Variants in DUOX2 observed in about 807,000 individuals in gnomAD.
DUOX2 encodes dual oxidase 2, also known as NADH/NADPH thyroid oxidase p138-tox.
DUOX2 carries 185 observed loss-of-function variants against 183.3 expected under a neutral mutation model. The observed-to-expected ratio is 1.01, with a 90% CI of 0.90 to 1.14. DUOX2 has a LOEUF of 1.14. DUOX2 is among the 50% of genes most tolerant of loss of function. DUOX2 has a pLI of 0.00. For missense variants in DUOX2, 1,999 were observed against 2,022.9 expected (o/e 0.99, Z 0.23); for synonymous variants, 788 against 812.4 (o/e 0.97, Z 0.51).
Position 45,106,920 on chromosome 15 carries a change from C to A in DUOX2, c.1743G>T (p.Gln581His), listed in dbSNP as rs1282973122. The A allele has an allele frequency of 6.3e-7, 1 of 1,581,718 alleles. No individual in the cohort carries two copies. Among genetic ancestry groups the A allele is most frequent in the Admixed American group, 1.9e-5 (1 of 53,080 alleles). ...PKQLTTDGLP[Q>H]CAPLTVLDFF... ...AGTCAAGCACAGTCAGGGGTGCACA[C>A]TGGGGCAGGCCGTCAGTTGTGAGCT... is the stretch of plus-strand genomic sequence containing the variant. Residue 581 changes from glutamine to histidine, a missense_variant, in exon 15 of 34, where the codon CAG (glutamine) becomes CAT (histidine). Transcript: ENST00000389039.
At position 45,098,122 on chromosome 15, in the gene DUOX2, A is replaced by C. The variant is rs553193882; in HGVS notation, c.3516-64T>G. On this transcript the variant is annotated intron_variant, in intron 26 of 33. Coordinates refer to ENST00000389039, the MANE Select transcript of DUOX2 (RefSeq NM_001363711.2). Reference sequence around the variant, plus strand: ...GGAGGGGCTCCAGCACTGTCACAACACAGCATGACTCCTTTCCTGCTGGCC... The same window carrying C: ...GGAGGGGCTCCAGCACTGTCACAACCCAGCATGACTCCTTTCCTGCTGGCC... 1.0e-4 allele frequency: 152 copies of C among 1,470,624 alleles called. 1 individual carries two copies. The African/African-American group carries it at 2.0e-3, about 19-fold the overall frequency. The allele number at this position is 1,470,624 out of a possible 1,614,324, so 91.1% of individuals were successfully genotyped here. A position where few individuals can be genotyped will look rare whatever the true frequency, so the allele number is the denominator to read the frequency against.
rs1894396104 is a variant in DUOX2, at chr15:45,111,393, C to T, written c.706G>A (p.Gly236Arg). ...GCCCCTGTGGCCTCACCGTACAGCC[C>T]CCGGGGCCCGTTCTGCCCGGTGGCG... The part of the protein sequence containing the change: ...DPATGQNGPR[G>R]LYAFGAERGN... Residue 236 changes from glycine to arginine, a missense_variant, in exon 6 of 34, where the codon GGG becomes AGG. Gly to Arg is a moderately radical substitution (Grantham distance 125). Coordinates refer to ENST00000389039, the MANE Select transcript of DUOX2 (RefSeq NM_001363711.2). The T allele has an allele frequency of 1.4e-6, 2 of 1,453,750 alleles. No individual in the cohort carries two copies. The highest frequency in any genetic ancestry group is 2.5e-4 in the Middle Eastern group (1 of 3,964). 90.1% of individuals were successfully genotyped at this position (1,453,750 alleles called of 1,614,324 possible). A position where few individuals can be genotyped will look rare whatever the true frequency, so the allele number is the denominator to read the frequency against.
intron 32 of DUOX2, 50 bp from the exon 33 acceptor site, chr15:45,094,741 A>G (rs1023831110): frequency 3.7e-6 from 6 of 1,608,938 alleles, no homozygotes; most frequent in Non-Finnish European, 4.2e-6. Context: ...GCCAGCACTC[A>G]GCCCGAGCCA....
chr15:45,106,493 G>A (rs377285793), intron 16 of DUOX2, 35 bp downstream of exon 16: 45 of 1,606,456 alleles, frequency 2.8e-5, no homozygotes, highest in South Asian at 2.0e-4. Context: ...CCCCTCCTCC[G>A]TCCCTCCTCC....
chr15:45,102,258 C>G (rs570895540), intron 20 of DUOX2, among the ~76,000 whole-genome samples: 64 of 147,148 alleles, frequency 4.3e-4, no homozygotes, highest in Non-Finnish European at 7.8e-4. Context: ...AGATAGTCCA[C>G]TGAGTGCAGG....
Position 45,113,371 on chromosome 15 carries a change from G to A in DUOX2, c.41C>T (p.Ala14Val). Reference protein sequence around the residue: ...ARPEALMLLGALLTGSLGPSG... With the variant: ...ARPEALMLLGVLLTGSLGPSG... ...TGGACCCAGGGATCCAGTCAGAAGA[G>A]CTCCCAGGAGCATCAGTGCCTCTGG... Residue 14 changes from alanine (A) to valine (V), a missense_variant, in exon 2 of 34, where the codon GCT becomes GTT. Physicochemically the swap from Ala to Val is moderately conservative, Grantham distance 64 (BLOSUM62 0). Around this residue, in one of 3 missense-constraint regions of DUOX2, gnomAD observed 356 missense variants for 356.4 expected, o/e 1.00. Coordinates refer to ENST00000389039, the MANE Select transcript of DUOX2 (RefSeq NM_001363711.2). The A allele has an allele frequency of 6.4e-7, 1 of 1,566,774 alleles. No homozygotes were observed. The highest frequency in any genetic ancestry group is 8.7e-7 in the Non-Finnish European group (1 of 1,154,350).
chr15:45,094,195 G>A lies in DUOX2; in HGVS notation c.4602C>T (p.Asn1534=), dbSNP rs1893835230. 6.2e-7 allele frequency: 1 copy of A among 1,614,166 alleles called. No homozygotes were observed. The highest frequency in any genetic ancestry group is 1.1e-5 in the South Asian group (1 of 91,084). ...GCATGAAGTGGGCTCGGTCCTGCCTGTTGACGAGCTGACAGGCCTTCTCTA... is the reference window on the plus strand; with the variant it reads ...GCATGAAGTGGGCTCGGTCCTGCCTATTGACGAGCTGACAGGCCTTCTCTA... ...KNVEKACQLV[N]RQDRAHFMHH... Residue 1534 remains asparagine (N), a synonymous_variant, in exon 34 of 34, where the codon AAC becomes AAT. Coordinates refer to ENST00000389039, the MANE Select transcript of DUOX2 (RefSeq NM_001363711.2).
intron 21 of DUOX2, 147 bp downstream of exon 21, chr15:45,101,646 C>T: frequency 9.9e-7 from 1 of 1,012,198 alleles, no homozygotes; most frequent in Non-Finnish European, 1.5e-6. Context: ...TGCACACCTA[C>T]ATGTGCCATC....
At chr15:45,102,527 G>A (rs893102688) in intron 20 of DUOX2, among the ~76,000 whole-genome samples, 2 of 152,244 alleles carry the variant, frequency 1.3e-5, no homozygotes, top group Non-Finnish European at 2.9e-5. Flanking sequence ...CTATTCATAG[G>A]TTGTGCCTCG....
chr15:45,112,263 C>T (rs547424213), intron 4 of DUOX2, among the ~76,000 whole-genome samples: 1 of 152,150 alleles, frequency 6.6e-6, no homozygotes, highest in South Asian at 2.1e-4. Context: ...TACAAACACA[C>T]GGTGAGGAGA....
At chr15:45,107,907 AAGAG>A in intron 13 of DUOX2, 136 bp downstream of exon 13, 1 of 844,338 alleles carries the variant, frequency 1.2e-6, no homozygotes, top group South Asian at 1.5e-5. Flanking sequence ...AGAAGAAAAA[AAGAG>A]AGACCCAGAG....
At chr15:45,112,083 T>G in intron 4 of DUOX2, 128 bp from the exon 5 acceptor site, 21 of 1,157,020 alleles carry the variant, frequency 1.8e-5, no homozygotes, top group Non-Finnish European at 2.5e-5. Flanking sequence ...CCACCAGCTC[T>G]GCACGTTAGC....
intron 17 of DUOX2, 117 bp downstream of exon 17, chr15:45,106,008 C>T: frequency 7.1e-7 from 1 of 1,414,690 alleles, no homozygotes; most frequent in Non-Finnish European, 9.8e-7. Context: ...AAAGGAGCCC[C>T]TCTCCCCAGC....
Position 45,108,181 on chromosome 15 carries a change from G to C in DUOX2, c.1440C>G (p.Ser480=). 1 of 1,614,180 alleles carries C rather than the reference G, an allele frequency of 6.2e-7. No individual in the cohort carries two copies. Among genetic ancestry groups the C allele is most frequent in the Non-Finnish European group, 8.5e-7 (1 of 1,180,024 alleles). The part of the protein sequence containing the change: ...ATAALYNQDL[S]QLELLLGGLL... ...GCCCCCCAAGGAGCAGCTCTAGCTG[G>C]GATAGGTCCTGGTTGTACAGGGCAG... Residue 480 remains serine, a synonymous_variant, in exon 13 of 34, where the codon TCC becomes TCG. Transcript: ENST00000389039.
At chr15:45,102,011 A>AG (rs1427754226) in intron 20 of DUOX2, 22 bp from the exon 21 acceptor site, 2 of 1,613,544 alleles carry the variant, frequency 1.2e-6, no homozygotes, top group South Asian at 2.2e-5. Context: ...CCAGAGACAC[A>AG]GCAGCCTGTC....
chr15:45,092,777 A>G lies in DUOX2; in HGVS notation c.*1373T>C, dbSNP rs1486822580. The G allele has an allele frequency of 1.3e-5, 2 of 152,256 alleles. No homozygotes were observed. Among genetic ancestry groups the G allele is most frequent in the Non-Finnish European group, 2.9e-5 (2 of 68,046 alleles). 9.4% of individuals were successfully genotyped at this position (152,256 alleles called of 1,614,324 possible). A position where few individuals can be genotyped will look rare whatever the true frequency, so the allele number is the denominator to read the frequency against. ...TACAATAGAATACTACTCAGCAATG[A>G]AAAGGAACAAACTGCTGATACACAC... On this transcript the variant is annotated 3_prime_UTR_variant, in exon 34 of 34. Coordinates refer to ENST00000389039, the MANE Select transcript of DUOX2 (RefSeq NM_001363711.2).
At chr15:45,106,049 A>C in intron 17 of DUOX2, 76 bp downstream of exon 17, 2 of 1,545,126 alleles carry the variant, frequency 1.3e-6, no homozygotes, top group Non-Finnish European at 1.8e-6. Context: ...TCTGTAGCTG[A>C]GGATAGGGTG....
chr15:45,106,757 C>A (rs1278425741), intron 15 of DUOX2, 75 bp downstream of exon 15: 16 of 1,603,796 alleles, frequency 1.0e-5, no homozygotes, highest in Admixed American at 8.7e-5. Context: ...CAAACGGTAC[C>A]AAATAGCCAG....
At chr15:45,109,368 AG>A in intron 11 of DUOX2, 155 bp downstream of exon 11, 1 of 657,392 alleles carries the variant, frequency 1.5e-6, no homozygotes, top group Non-Finnish European at 2.7e-6. Flanking sequence ...AAAAAAAAAA[AG>A]TTCAAAGTTC....
Sources: allele counts gnomAD v4.1 joint callset (sites outside exome capture counted in the v4.1 genomes callset), GRCh38; gene constraint gnomAD v4.1.1; regional missense constraint gnomAD v4.1.1; transcripts MANE v1.5; gene names NCBI Gene and HGNC (gene_info 2026-07-23, HGNC 2026-07-21).